RIMS1: variants seen among roughly 807,000 people sequenced by gnomAD.
The protein encoded by RIMS1 is regulating synaptic membrane exocytosis protein 1.
A neutral mutation model predicts 214.1 loss-of-function variants in RIMS1; 83 were observed. That is an observed-to-expected ratio of 0.39 (90% CI 0.32 to 0.47). The LOEUF is 0.47. Ranked by LOEUF, RIMS1 falls within the 20% of genes least tolerant of loss-of-function variation. The pLI is 0.99. For missense variants in RIMS1, 2,050 were observed against 2,161.8 expected (o/e 0.95, Z 1.03); for synonymous variants, 793 against 786.8 (o/e 1.01, Z -0.13).
intron 2 of RIMS1, among the ~76,000 whole-genome samples, chr6:72,007,470 C>A (rs146646391): frequency 6.6e-6 from 1 of 152,114 alleles, no homozygotes; most frequent in African/African-American, 2.4e-5. Context: ...GAAAGCTGGA[C>A]GGATAATGAC....
chr6:71,959,192 T>C (rs1004907139), intron 1 of RIMS1, among the ~76,000 whole-genome samples: 6 of 152,150 alleles, frequency 3.9e-5, no homozygotes, highest in African/African-American at 1.2e-4. Flanking sequence ...CATTTTCATA[T>C]CTCATTGGCT....
intron 6 of RIMS1, among the ~76,000 whole-genome samples, chr6:72,201,708 T>C (rs1433780202): frequency 6.6e-6 from 1 of 152,232 alleles, no homozygotes; most frequent in African/African-American, 2.4e-5. Flanking sequence ...TCAGTCCTTC[T>C]ACTTATTCTG....
chr6:71,944,681 CATT>C (rs1444467122), intron 1 of RIMS1, among the ~76,000 whole-genome samples: 1 of 152,074 alleles, frequency 6.6e-6, no homozygotes, highest in Non-Finnish European at 1.5e-5. Context: ...GATTTCATAA[CATT>C]ATCAATAAAA....
intron 12 of RIMS1, 41 bp downstream of exon 12, chr6:72,248,168 C>A (rs2071144864): frequency 2.4e-6 from 3 of 1,231,014 alleles, no homozygotes; most frequent in Non-Finnish European, 3.6e-6. Context: ...TTAGTATTTG[C>A]ATACACTGTC....
intron 29 of RIMS1, among the ~76,000 whole-genome samples, chr6:72,355,626 T>C (rs934771027): frequency 1.3e-5 from 2 of 152,188 alleles, no homozygotes; most frequent in South Asian, 2.1e-4. Flanking sequence ...AGTTATGTTA[T>C]CAGGTTAGAG....
rs548783169 is a variant in RIMS1 at position 72,356,778 on chromosome 6, AAAAAT to A, written c.4366+22959_4366+22963del. On this transcript the variant is annotated intron_variant, in intron 29 of 33. Transcript: ENST00000521978. ...TCCGTCTCAAAAAATAATAATAATA[AAAAAT>A]AAAATAAAATAAAATGAGACTTTAG... Among the ~76,000 whole-genome samples the A allele has an allele frequency of 6.7e-4, 102 of 152,124 alleles. 2 individuals carry two copies. The Middle Eastern group carries it at 0.01, about 15-fold the overall frequency.
intron 6 of RIMS1, among the ~76,000 whole-genome samples, chr6:72,210,937 A>G (rs1192904143): frequency 6.6e-6 from 1 of 152,208 alleles, no homozygotes; most frequent in Non-Finnish European, 1.5e-5. Flanking sequence ...AAGAAATAAC[A>G]GAATGAAATA....
At position 72,265,056 on chromosome 6, in the gene RIMS1, A is replaced by G; in HGVS notation, c.3194+4A>G. The G allele has an allele frequency of 1.3e-6, 2 of 1,564,244 alleles. No individual in the cohort carries two copies. Among genetic ancestry groups the G allele is most frequent in the South Asian group, 1.2e-5 (1 of 86,526 alleles). ...GTTCTCACTGGAATATTTACAGGTA[A>G]GAGCCCTAACAGTGAGTCCCACCCA... On this transcript the variant is annotated splice_donor_region_variant and intron_variant, in intron 20 of 33. Transcript: ENST00000521978.
At chr6:72,347,224 G>A (rs2097295788) in intron 29 of RIMS1, among the ~76,000 whole-genome samples, 1 of 151,862 alleles carries the variant, frequency 6.6e-6, no homozygotes, top group Admixed American at 6.6e-5. Context: ...ACATAAAGTA[G>A]TAAAAGCACG....
At chr6:72,390,898 G>GGC in intron 30 of RIMS1, 162 bp downstream of exon 30, 2 of 674,898 alleles carry the variant, frequency 3.0e-6, no homozygotes, top group South Asian at 4.7e-5. Flanking sequence ...AAGTACACAT[G>GGC]GACACACCTC....
chr6:72,252,774 C>A lies in RIMS1; in HGVS notation c.2712C>A (p.Ile904=). Residue 904 remains isoleucine (I), a synonymous_variant, in exon 16 of 34, where the codon ATC becomes ATA. Transcript: ENST00000521978. The part of the protein sequence containing the change: ...SSKKLQRSQR[I]SDSDISDYEV... ...ACTGTTGTGCAGGATCTCAGCGAAT[C>A]AGTGATAGTGACATCTCAGATTATG... The A allele has an allele frequency of 6.4e-7, 1 of 1,559,120 alleles. No homozygotes were observed. Among genetic ancestry groups the A allele is most frequent in the East Asian group, 2.4e-5 (1 of 42,002 alleles).
At chr6:72,019,063 T>C (rs1418311742) in intron 2 of RIMS1, among the ~76,000 whole-genome samples, 3 of 152,150 alleles carry the variant, frequency 2.0e-5, no homozygotes, top group Non-Finnish European at 4.4e-5. Flanking sequence ...TGGAGTTGTT[T>C]TAAGAGAAGT....
At chr6:72,316,135 A>T (rs766585380) in intron 28 of RIMS1, among the ~76,000 whole-genome samples, 1 of 152,076 alleles carries the variant, frequency 6.6e-6, no homozygotes, top group Non-Finnish European at 1.5e-5. Flanking sequence ...CTTCCCCACC[A>T]CCATGACCAT....
intron 4 of RIMS1, among the ~76,000 whole-genome samples, chr6:72,103,797 A>G (rs528664049): frequency 6.6e-6 from 1 of 152,214 alleles, no homozygotes; most frequent in African/African-American, 2.4e-5. Flanking sequence ...ATTTTTATCA[A>G]TGTTTGTTAT....
At chr6:72,274,800 A>T (rs2085317052) in intron 23 of RIMS1, among the ~76,000 whole-genome samples, 1 of 151,980 alleles carries the variant, frequency 6.6e-6, no homozygotes, top group Non-Finnish European at 1.5e-5. Context: ...TATTTGTTAT[A>T]TTGGTTGATG....
rs756266062 is a variant in RIMS1 at position 72,290,864 on chromosome 6, C to T, written c.3737+3C>T. 8 of 1,611,354 alleles carry T rather than the reference C, an allele frequency of 5.0e-6. No individual in the cohort carries two copies. The South Asian group carries it at 6.6e-5, about 13-fold the overall frequency. On this transcript the variant is annotated splice_donor_region_variant and intron_variant, in intron 25 of 33. Transcript: ENST00000521978. ...CCACCTTCTCCGCTTCTGACAAGGT[C>T]GCTATTCAGTGTCCCCCTCAGCATT...
intron 1 of RIMS1, among the ~76,000 whole-genome samples, chr6:71,895,424 C>T (rs945642951): frequency 1.3e-5 from 2 of 151,990 alleles, no homozygotes; most frequent in Admixed American, 6.6e-5. Context: ...CCTGCAATCC[C>T]AGCACTTTGG....
intron 29 of RIMS1, among the ~76,000 whole-genome samples, chr6:72,378,526 A>T (rs2098430541): frequency 6.6e-6 from 1 of 152,206 alleles, no homozygotes; most frequent in Non-Finnish European, 1.5e-5. Flanking sequence ...AGAATATTAA[A>T]CTATTAGAAA....
chr6:72,207,104 GT>G (rs2053059836), intron 6 of RIMS1, among the ~76,000 whole-genome samples: 1 of 152,198 alleles, frequency 6.6e-6, no homozygotes, highest in Non-Finnish European at 1.5e-5. Flanking sequence ...TATAGGCAAG[GT>G]ATAACCCAGA....
Sources: allele counts gnomAD v4.1 joint callset (sites outside exome capture counted in the v4.1 genomes callset), GRCh38; gene constraint gnomAD v4.1.1; transcripts MANE v1.5; gene names NCBI Gene and HGNC (gene_info 2026-07-23, HGNC 2026-07-21).